The following ERCC4 variants were observed in gnomAD, a reference collection of about 807,000 sequenced individuals.
ERCC4 encodes the protein DNA repair endonuclease XPF.
Under a neutral mutation model 76.9 loss-of-function variants are expected in ERCC4, and 65 were observed. The ratio of observed to expected loss-of-function variants is 0.84; its 90% CI spans 0.69 to 1.04. The LOEUF (loss-of-function observed/expected upper bound fraction) is 1.04, where lower values mean the gene tolerates loss of function less well. Among genes scored for constraint, ERCC4 ranks in the 50% least tolerant of loss-of-function variants. The pLI is 0.00. For synonymous variants in ERCC4, 463 were observed against 410.1 expected (o/e 1.13, Z -1.56); for missense variants, 1,214 against 1,128.2 (o/e 1.08, Z -1.09).
chr16:13,944,852 G>T lies in ERCC4; in HGVS notation c.2017+17G>T, dbSNP rs1485754192. ...GGAAAGCCGGTGAGTCCTGCACTTT[G>T]TCAGGCACCTCCATTGCCTGCAAAG... On this transcript the variant is annotated intron_variant, in intron 10 of 10. Transcript: ENST00000311895. 2 of 1,485,594 alleles carry T rather than the reference G, an allele frequency of 1.3e-6. No homozygotes were observed. The highest frequency in any genetic ancestry group is 2.8e-5 in the African/African-American group (2 of 72,220). The allele number at this position is 1,485,594 out of a possible 1,614,324, so 92.0% of individuals were successfully genotyped here. A position where few individuals can be genotyped will look rare whatever the true frequency, so the allele number is the denominator to read the frequency against.
Position 13,949,021 on chromosome 16 carries a change from G to C in ERCC4, c.*674G>C, listed in dbSNP as rs1651204. 3,573 of 232,842 alleles carry C rather than the reference G, an allele frequency of 0.015. 128 individuals carry two copies. Among genetic ancestry groups the C allele is most frequent in the African/African-American group, 0.072 (3,273 of 45,370 alleles). 14.4% of individuals were successfully genotyped at this position (232,842 alleles called of 1,614,324 possible). A position where few individuals can be genotyped will look rare whatever the true frequency, so the allele number is the denominator to read the frequency against. On this transcript the variant is annotated 3_prime_UTR_variant, in exon 11 of 11. Transcript: ENST00000311895. ...CCTGTCTGCTCTAAGGAAATTTCATGGAGCCTTCCTACTACTAATTCAAGA... is the reference window on the plus strand; with the variant it reads ...CCTGTCTGCTCTAAGGAAATTTCATCGAGCCTTCCTACTACTAATTCAAGA...
intron 6 of ERCC4, chr16:13,933,566 G>A (rs1479429544): frequency 6.6e-6 from 1 of 152,548 alleles, no homozygotes; most frequent in Non-Finnish European, 1.5e-5. Flanking sequence ...AAATTAGCCA[G>A]GAGTGGTGGC....
intron 2 of ERCC4, 76 bp from the exon 3 acceptor site, chr16:13,926,485 T>C: frequency 8.0e-7 from 1 of 1,257,384 alleles, no homozygotes; most frequent in Non-Finnish European, 1.2e-6. Context: ...CTCTTGTAAG[T>C]ACTTAAGAAA....
intron 6 of ERCC4, chr16:13,933,063 A>C: frequency 4.8e-6 from 2 of 416,540 alleles, no homozygotes; most frequent in Non-Finnish European, 9.5e-6. Context: ...AAAAAAAAAA[A>C]AAAACACAAA....
At chr16:13,924,005 A>C (rs913430260) in intron 2 of ERCC4, among the ~76,000 whole-genome samples, 1 of 152,252 alleles carries the variant, frequency 6.6e-6, no homozygotes, top group Non-Finnish European at 1.5e-5. Flanking sequence ...GCTCCTAATG[A>C]AAAATGCCAA....
chr16:13,922,473 C>T, intron 2 of ERCC4: 1 of 755,580 alleles, frequency 1.3e-6, no homozygotes, highest in Non-Finnish European at 2.4e-6. Flanking sequence ...AATTTAGCTT[C>T]ACATACATCT....
intron 8 of ERCC4, 94 bp downstream of exon 8, chr16:13,935,837 C>T (rs937542032): frequency 1.4e-5 from 13 of 938,766 alleles, no homozygotes; most frequent in African/African-American, 9.7e-5. Context: ...CTTTAATATC[C>T]GTTACGATGC....
Position 13,948,312 on chromosome 16 carries a change from G to T in ERCC4, c.2716G>T (p.Ala906Ser). Reference sequence around the variant, plus strand: ...TTATGATTTCATTCACACCTCTTTTGCAGAAGTCGTATCAAAAGGAAAAGG... The same window carrying T: ...TTATGATTTCATTCACACCTCTTTTTCAGAAGTCGTATCAAAAGGAAAAGG... ...QLYDFIHTSF[A>S]EVVSKGKGKK The change falls in exon 11 of 11, where the codon GCA becomes TCA. Residue 906 changes from alanine to serine, a missense_variant. By Grantham distance (99) the Ala-to-Ser change is moderately conservative. Transcript: ENST00000311895. The T allele has an allele frequency of 1.2e-6, 2 of 1,613,414 alleles. No individual in the cohort carries two copies. The highest frequency in any genetic ancestry group is 1.7e-6 in the Non-Finnish European group (2 of 1,180,018).
At chr16:13,921,616 G>C (rs956777754) in intron 1 of ERCC4, among the ~76,000 whole-genome samples, 1 of 152,200 alleles carries the variant, frequency 6.6e-6, no homozygotes, top group Non-Finnish European at 1.5e-5. Flanking sequence ...GGATAGATTA[G>C]CACAGAACTG....
chr16:13,941,460 A>G (rs1328056862), intron 9 of ERCC4, among the ~76,000 whole-genome samples: 1 of 152,200 alleles, frequency 6.6e-6, no homozygotes, highest in Non-Finnish European at 1.5e-5. Flanking sequence ...CTGTGTACTT[A>G]AGAGAAAAAT....
chr16:13,923,970 A>C (rs1467325444), intron 2 of ERCC4, among the ~76,000 whole-genome samples: 1 of 152,226 alleles, frequency 6.6e-6, no homozygotes, highest in African/African-American at 2.4e-5. Flanking sequence ...GAATTTATGC[A>C]ACGTTGAAGT....
At chr16:13,945,659 C>G (rs1268360449) in intron 10 of ERCC4, among the ~76,000 whole-genome samples, 1 of 152,170 alleles carries the variant, frequency 6.6e-6, no homozygotes, top group Admixed American at 6.5e-5. Context: ...GAAATGGAGC[C>G]AGCAGCTCGG....
chr16:13,925,682 G>A (rs2032058860), intron 2 of ERCC4, among the ~76,000 whole-genome samples: 1 of 152,174 alleles, frequency 6.6e-6, no homozygotes, highest in Non-Finnish European at 1.5e-5. Context: ...GTACCATTAT[G>A]CCAAATATAT....
chr16:13,932,068 A>C, intron 5 of ERCC4, 89 bp from the exon 6 acceptor site: 1 of 1,095,720 alleles, frequency 9.1e-7, no homozygotes, highest in Non-Finnish European at 1.4e-6. Flanking sequence ...GATGACAGCC[A>C]GTTACGTATG....
intron 10 of ERCC4, 137 bp from the exon 11 acceptor site, chr16:13,947,477 A>C (rs766870798): frequency 2.1e-6 from 2 of 961,288 alleles, no homozygotes; most frequent in Admixed American, 4.1e-5. Context: ...AAAATATAGA[A>C]ATTATATGGA....
chr16:13,938,274 T>G (rs573535353), intron 9 of ERCC4, among the ~76,000 whole-genome samples: 1 of 152,286 alleles, frequency 6.6e-6, no homozygotes, highest in East Asian at 1.9e-4. Context: ...TGGGAAATGC[T>G]TTTACAACAC....
At chr16:13,937,935 C>T in intron 9 of ERCC4, 77 bp downstream of exon 9, 1 of 923,114 alleles carries the variant, frequency 1.1e-6, no homozygotes, top group East Asian at 2.4e-5. Flanking sequence ...GATAGTCCTG[C>T]TCAGGAAGGA....
intron 9 of ERCC4, among the ~76,000 whole-genome samples, chr16:13,943,130 T>C (rs1453347753): frequency 6.6e-6 from 1 of 152,264 alleles, no homozygotes; most frequent in Non-Finnish European, 1.5e-5. Flanking sequence ...GTATAAAATT[T>C]TAAATTACAA....
intron 4 of ERCC4, among the ~76,000 whole-genome samples, chr16:13,930,252 C>G (rs2032147759): frequency 6.6e-6 from 1 of 152,046 alleles, no homozygotes; most frequent in African/African-American, 2.4e-5. Flanking sequence ...TGTATGCCCT[C>G]TGCTTGGTCC....
Sources: gnomAD v4.1 joint callset for allele counts (sites outside exome capture counted in the v4.1 genomes callset) on GRCh38, gnomAD v4.1.1 for gene constraint, MANE v1.5 for transcripts, NCBI Gene and HGNC (gene_info 2026-07-23, HGNC 2026-07-21) for gene names.